Variants in GRAMD4 observed in about 807,000 individuals in gnomAD.
GRAMD4 encodes the protein GRAM domain containing 4, also known as GRAM domain-containing protein 4.
In GRAMD4, 25 loss-of-function variants were observed where a neutral mutation model predicts 83.9. The ratio of observed to expected loss-of-function variants is 0.30; its 90% CI spans 0.22 to 0.42. The LOEUF is 0.42. Among genes scored for constraint, GRAMD4 ranks in the 10% least tolerant of loss-of-function variants. GRAMD4 has a pLI of 1.00. For synonymous variants in GRAMD4, 336 were observed against 320.9 expected, an observed-to-expected ratio of 1.05 and a Z score of -0.50; for missense variants, 593 against 788.7, an observed-to-expected ratio of 0.75 and a Z score of 2.97.
chr22:46,587,702 C>T lies in GRAMD4; in HGVS notation c.-50+10412C>T, dbSNP rs1204951390. On this transcript the variant is annotated intron_variant, in intron 1 of 1. Coordinates refer to the GRAMD4 transcript ENST00000431155. ...CTAGGCAGGCACACTCAGCCAACCC[C>T]AGCTCAGGAGGGAGGGACCCAGAGG... 3.9e-5 allele frequency among the ~76,000 whole-genome samples: 6 copies of T among 152,040 alleles called. No homozygotes were observed. The East Asian group carries it at 9.7e-4, about 25-fold the overall frequency.
intron 1 of GRAMD4, chr22:46,588,067 C>A: frequency 1.8e-6 from 1 of 544,846 alleles, no homozygotes; most frequent in Non-Finnish European, 2.3e-6. Context: ...TCTGGGACAG[C>A]CCCAGCCCTG....
chr22:46,577,919 C>T (rs1423399940), intron 1 of GRAMD4, among the ~76,000 whole-genome samples: 4 of 152,186 alleles, frequency 2.6e-5, no homozygotes, highest in African/African-American at 9.7e-5. Context: ...AACCCCGGCC[C>T]GAGGCCCCAC....
Position 46,637,315 on chromosome 22 carries a change from C to T in GRAMD4, c.163-525C>T, listed in dbSNP as rs183201769. ...TCGCCCAGGCTGGAGCACAGTGGCG[C>T]GATCTTGGCTCACTGCAAGCTCCGC... On this transcript the variant is annotated intron_variant, in intron 2 of 18. Transcript: ENST00000406902. 6.0e-4 allele frequency among the ~76,000 whole-genome samples: 91 copies of T among 151,280 alleles called. No individual in the cohort carries two copies. In the East Asian group the frequency reaches 0.017, roughly 28 times the overall value.
chr22:46,618,227 G>A (rs958968125), upstream of GRAMD4, among the ~76,000 whole-genome samples: 6 of 152,138 alleles, frequency 3.9e-5, no homozygotes, highest in Admixed American at 1.3e-4. This position sits in a 1 kb window ranked among gnomAD's most constrained non-coding sequence, Gnocchi z 5.8. Context: ...GAGCATCACC[G>A]GCAGAGCCGA....
chr22:46,636,592 G>A (rs1033272655), intron 2 of GRAMD4, among the ~76,000 whole-genome samples: 3 of 152,250 alleles, frequency 2.0e-5, no homozygotes, highest in South Asian at 2.1e-4. Context: ...TGTTGAAGCC[G>A]CACACCTGTT....
At chr22:46,654,601 C>T (rs2082215780) in intron 3 of GRAMD4, among the ~76,000 whole-genome samples, 1 of 152,274 alleles carries the variant, frequency 6.6e-6, no homozygotes, top group African/African-American at 2.4e-5. Flanking sequence ...GGACTGATCC[C>T]CGTGTTAGGG....
In GRAMD4 at chr22:46,677,162, G is replaced by A; in HGVS notation, c.1648G>A (p.Ala550Thr). Residue 550 changes from alanine to threonine, a missense_variant, in exon 19 of 19, where the codon GCC (alanine) becomes ACC (threonine). Transcript: ENST00000406902. ...TCCCTGCCAGCCGCTCGTGTTTGGT[G>A]CCATGGTGCACAGGGATGAGGCCTT... ...PSTQKPLVFG[A>T]MVHRDEAFET... The A allele has an allele frequency of 6.2e-7, 1 of 1,613,706 alleles. No individual in the cohort carries two copies. The highest frequency in any genetic ancestry group is 8.5e-7 in the Non-Finnish European group (1 of 1,179,930).
intron 1 of GRAMD4, among the ~76,000 whole-genome samples, chr22:46,603,510 C>CTT (rs1569254336): frequency 4.5e-5 from 1 of 22,454 alleles, no homozygotes; most frequent in Admixed American, 6.2e-4. Context: ...CGCCCGGCCT[C>CTT]TTCTCTTTTT....
At chr22:46,637,229 G>A (rs977353597) in intron 2 of GRAMD4, among the ~76,000 whole-genome samples, 21 of 151,262 alleles carry the variant, frequency 1.4e-4, no homozygotes, top group African/African-American at 4.9e-4. Flanking sequence ...CAACCATCAA[G>A]AGACTTAGCG....
chr22:46,654,335 G>A (rs1307069361), intron 3 of GRAMD4, among the ~76,000 whole-genome samples: 1 of 152,192 alleles, frequency 6.6e-6, no homozygotes, highest in Admixed American at 6.5e-5. Flanking sequence ...CTCACGCAGT[G>A]GGTTCACATG....
At chr22:46,654,695 C>T (rs988166471) in intron 3 of GRAMD4, among the ~76,000 whole-genome samples, 53 of 152,346 alleles carry the variant, frequency 3.5e-4, no homozygotes, top group African/African-American at 1.1e-3. Context: ...CCCTGCTAGA[C>T]GCACTACGTG....
Position 46,677,324 on chromosome 22 carries a change from G to A in GRAMD4, c.*73G>A, listed in dbSNP as rs570637745. The A allele has an allele frequency of 6.0e-6, 9 of 1,499,076 alleles. No individual in the cohort carries two copies. The highest frequency in any genetic ancestry group is 2.4e-5 in the East Asian group (1 of 41,068). The allele number at this position is 1,499,076 out of a possible 1,614,324, so 92.9% of individuals were successfully genotyped here. A position where few individuals can be genotyped will look rare whatever the true frequency, so the allele number is the denominator to read the frequency against. ...TTTCTTTTTTTTTTTTTACGATTTG[G>A]TAGTGGAAACAATTGGACATCCTCA... On this transcript the variant is annotated 3_prime_UTR_variant, in exon 19 of 19. Transcript: ENST00000406902.
chr22:46,614,804 G>C (rs1029867293), intron 1 of GRAMD4, among the ~76,000 whole-genome samples: 1 of 114,796 alleles, frequency 8.7e-6, no homozygotes, highest in Non-Finnish European at 1.8e-5. Flanking sequence ...AGGTTCCCCC[G>C]TGTGTAGGTT....
chr22:46,597,438 T>G lies in GRAMD4; in HGVS notation c.-50+20148T>G, dbSNP rs565629116. ...TAGTTACCTCTCCTTCTCTCTCTCT[T>G]GCTCAAGTTTCAGGTGATTTTCTGG... is the stretch of plus-strand genomic sequence containing the variant. On this transcript the variant is annotated intron_variant, in intron 1 of 1. Coordinates refer to the GRAMD4 transcript ENST00000431155. 2.6e-5 allele frequency among the ~76,000 whole-genome samples: 4 copies of G among 152,206 alleles called. 1 individual carries two copies. The highest frequency in any genetic ancestry group is 5.9e-5 in the Non-Finnish European group (4 of 68,038).
At chr22:46,623,740 G>C (rs1022952635) in intron 1 of GRAMD4, among the ~76,000 whole-genome samples, 1 of 151,434 alleles carries the variant, frequency 6.6e-6, no homozygotes, top group Non-Finnish European at 1.5e-5. Context: ...GTATTAGGAA[G>C]TGGTCTTGTC....
chr22:46,587,905 C>T (rs926777793), intron 1 of GRAMD4: 1 of 985,304 alleles, frequency 1.0e-6, no homozygotes, highest in Non-Finnish European at 1.2e-6. Flanking sequence ...GTACAGGGCT[C>T]CTGATCCTCC....
intron 1 of GRAMD4, among the ~76,000 whole-genome samples, chr22:46,623,976 T>C: frequency 6.6e-6 from 1 of 151,870 alleles, no homozygotes. Context: ...GAGATGGAGG[T>C]TCGCCATGTT....
chr22:46,579,352 A>T (rs1220551785), intron 1 of GRAMD4, among the ~76,000 whole-genome samples: 1 of 152,164 alleles, frequency 6.6e-6, no homozygotes, highest in Non-Finnish European at 1.5e-5. Flanking sequence ...CTGGAAAACG[A>T]GGGAGGAGAA....
chr22:46,634,583 G>A (rs2081829996), intron 2 of GRAMD4, among the ~76,000 whole-genome samples: 1 of 152,202 alleles, frequency 6.6e-6, no homozygotes, highest in Admixed American at 6.5e-5. Context: ...GGCACTTGGG[G>A]GCAAGTGGGT....
Sources: allele counts gnomAD v4.1 joint callset (sites outside exome capture counted in the v4.1 genomes callset), GRCh38; gene constraint gnomAD v4.1.1; non-coding constraint Gnocchi (gnomAD v3.1); transcripts MANE v1.5; gene names NCBI Gene and HGNC (gene_info 2026-07-23, HGNC 2026-07-21).